RALA: variants seen among roughly 807,000 people sequenced by gnomAD.
RALA encodes ras-related protein Ral-A.
Under a neutral mutation model 24.0 loss-of-function variants are expected in RALA, and 5 were observed. The observed-to-expected ratio is 0.21, with a 90% CI of 0.11 to 0.44. The LOEUF is 0.44. RALA is among the 20% of genes least tolerant of loss of function. RALA has a pLI of 0.99. For missense variants in RALA, 95 were observed against 241.2 expected, an observed-to-expected ratio of 0.39 and a Z score of 4.01; for synonymous variants, 77 against 83.8, an observed-to-expected ratio of 0.92 and a Z score of 0.44.
intron 1 of RALA, among the ~76,000 whole-genome samples, chr7:39,666,956 A>T (rs945095022): frequency 2.6e-5 from 4 of 152,202 alleles, no homozygotes; most frequent in Admixed American, 2.6e-4. Context: ...AAGAAAAAAA[A>T]CATTTTTGGG....
intron 1 of RALA, among the ~76,000 whole-genome samples, chr7:39,631,451 T>G (rs956901257): frequency 2.0e-5 from 3 of 151,690 alleles, no homozygotes; most frequent in Non-Finnish European, 4.4e-5. Context: ...CTTGAACTCC[T>G]GGGCTCAAGT....
At chr7:39,694,058 C>T (rs1251448061) in intron 3 of RALA, among the ~76,000 whole-genome samples, 1 of 152,158 alleles carries the variant, frequency 6.6e-6, no homozygotes. Flanking sequence ...CTTACCAGGA[C>T]CAGACTGTTC....
intron 1 of RALA, among the ~76,000 whole-genome samples, chr7:39,644,580 G>T (rs980989290): frequency 2.0e-5 from 3 of 152,158 alleles, no homozygotes; most frequent in Non-Finnish European, 2.9e-5. Flanking sequence ...GAATAAGATT[G>T]CATTACTACT....
chr7:39,654,587 A>G (rs2084416279), intron 1 of RALA, among the ~76,000 whole-genome samples: 1 of 152,180 alleles, frequency 6.6e-6, no homozygotes, highest in Non-Finnish European at 1.5e-5. Context: ...TTTGCATTTG[A>G]CATTGTATCT....
intron 1 of RALA, among the ~76,000 whole-genome samples, chr7:39,635,688 A>G (rs899601538): frequency 1.3e-5 from 2 of 152,166 alleles, no homozygotes; most frequent in African/African-American, 4.8e-5. Flanking sequence ...GGCATTAGTT[A>G]GATTCTCATA....
At chr7:39,680,706 A>G (rs894677140) in intron 1 of RALA, among the ~76,000 whole-genome samples, 1 of 152,178 alleles carries the variant, frequency 6.6e-6, no homozygotes, top group African/African-American at 2.4e-5. Context: ...AATAGATCCA[A>G]CTTTTATTTT....
chr7:39,697,368 AAC>A, intron 4 of RALA: 1 of 456,672 alleles, frequency 2.2e-6, no homozygotes, highest in Non-Finnish European at 4.4e-6. Context: ...AAGGAAAGTA[AAC>A]ACTCTGCCCT....
chr7:39,676,297 G>C (rs773624456), intron 1 of RALA, among the ~76,000 whole-genome samples: 2 of 152,138 alleles, frequency 1.3e-5, no homozygotes, highest in Non-Finnish European at 2.9e-5. Flanking sequence ...TTAATGCACC[G>C]TTCAGATCAG....
chr7:39,697,802 G>A (rs75526565), intron 4 of RALA, among the ~76,000 whole-genome samples: 5,457 of 152,178 alleles, frequency 0.036, 135 homozygotes, highest in Middle Eastern at 0.061. Flanking sequence ...TTTGCTGTAG[G>A]TCTTAAGACA....
chr7:39,636,463 A>G (rs773023846), intron 1 of RALA, among the ~76,000 whole-genome samples: 8 of 152,140 alleles, frequency 5.3e-5, no homozygotes, highest in Non-Finnish European at 1.2e-4. Context: ...ACCTATGTTT[A>G]TTAAGTTATC....
At chr7:39,670,538 C>T (rs905182854) in intron 1 of RALA, among the ~76,000 whole-genome samples, 3 of 152,164 alleles carry the variant, frequency 2.0e-5, no homozygotes, top group Non-Finnish European at 2.9e-5. Flanking sequence ...AATACATTCA[C>T]ATGGATCAAA....
At chr7:39,698,208 C>T (rs1033270995) in intron 4 of RALA, among the ~76,000 whole-genome samples, 19 of 152,040 alleles carry the variant, frequency 1.2e-4, no homozygotes. Flanking sequence ...ACCCTAGTGA[C>T]GTAATTACGA....
At chr7:39,668,307 A>G (rs946803902) in intron 1 of RALA, among the ~76,000 whole-genome samples, 6 of 152,224 alleles carry the variant, frequency 3.9e-5, no homozygotes, top group Admixed American at 2.0e-4. Context: ...TAAACAGTCA[A>G]TTTATTAATT....
chr7:39,690,971 T>G lies in RALA; in HGVS notation c.323+381T>G, dbSNP rs1792805308. ...ATCTTTCTCTGTTAGTCATGGTTTC[T>G]TAGCACCTATGTAATGCTCAGTAGG... is the stretch of plus-strand genomic sequence containing the variant. On this transcript the variant is annotated intron_variant, in intron 3 of 4. Coordinates refer to ENST00000005257, the MANE Select transcript of RALA (RefSeq NM_005402.4). Among the ~76,000 whole-genome samples the G allele has an allele frequency of 2.0e-5, 3 of 152,240 alleles. No homozygotes were observed. The South Asian group carries it at 6.2e-4, about 32-fold the overall frequency.
intron 1 of RALA, among the ~76,000 whole-genome samples, chr7:39,654,366 C>G (rs538304577): frequency 6.6e-6 from 1 of 152,108 alleles, no homozygotes; most frequent in Non-Finnish European, 1.5e-5. Context: ...ATGGGGCTTA[C>G]AGACAGTTTA....
intron 1 of RALA, among the ~76,000 whole-genome samples, chr7:39,686,203 C>CT (rs1792701842): frequency 9.3e-6 from 1 of 108,018 alleles, no homozygotes; most frequent in African/African-American, 3.4e-5. Context: ...GAGACTCCGT[C>CT]TCAAAAAAAA....
chr7:39,678,807 G>A (rs1357925904), intron 1 of RALA, among the ~76,000 whole-genome samples: 1 of 152,094 alleles, frequency 6.6e-6, no homozygotes, highest in East Asian at 1.9e-4. Context: ...GAATAAATAA[G>A]TGGGCTTTGT....
At chr7:39,640,701 T>G (rs998937435) in intron 1 of RALA, among the ~76,000 whole-genome samples, 3 of 152,182 alleles carry the variant, frequency 2.0e-5, no homozygotes, top group Non-Finnish European at 2.9e-5. Context: ...AATTCTTCCA[T>G]GTATCTATTA....
At chr7:39,672,279 T>C (rs1050763316) in intron 1 of RALA, among the ~76,000 whole-genome samples, 5 of 152,314 alleles carry the variant, frequency 3.3e-5, no homozygotes, top group South Asian at 4.1e-4. Flanking sequence ...CAGAGTCATA[T>C]GGATGGCAAG....
Sources: allele counts gnomAD v4.1 joint callset (sites outside exome capture counted in the v4.1 genomes callset), GRCh38; gene constraint gnomAD v4.1.1; transcripts MANE v1.5; gene names NCBI Gene and HGNC (gene_info 2026-07-23, HGNC 2026-07-21).